ITSN1: variants seen among roughly 807,000 people sequenced by gnomAD.
ITSN1 encodes intersectin-1.
In ITSN1, 58 loss-of-function variants were observed where a neutral mutation model predicts 239.8. That is an observed-to-expected ratio of 0.24 (90% CI 0.20 to 0.30). ITSN1 has a LOEUF of 0.30. Among genes scored for constraint, ITSN1 ranks in the 10% least tolerant of loss-of-function variants. The pLI is 1.00. For synonymous variants in ITSN1, 780 were observed against 770.8 expected (o/e 1.01, Z -0.20); for missense variants, 1,558 against 2,103.3 (o/e 0.74, Z 5.07).
At position 33,860,164 on chromosome 21, in the gene ITSN1, GGGT is replaced by G. The variant is rs1413604722; in HGVS notation, c.3890+1374_3890+1376del. Among the ~76,000 whole-genome samples the G allele has an allele frequency of 1.2e-4, 18 of 151,956 alleles. 1 individual carries two copies. Among genetic ancestry groups the G allele is most frequent in the Non-Finnish European group, 4.4e-5 (3 of 67,950 alleles). ...TGTACCAAAAATACAAAAAGTAGCC[GGGT>G]GTGGTTGTGGGTGCCTGTAATCCCA... On this transcript the variant is annotated intron_variant, in intron 31 of 39. Coordinates refer to ENST00000381318, the MANE Select transcript of ITSN1 (RefSeq NM_003024.3).
chr21:33,764,406 G>A (rs866950255), intron 9 of ITSN1, among the ~76,000 whole-genome samples: 68 of 152,142 alleles, frequency 4.5e-4, no homozygotes, highest in African/African-American at 1.4e-3. Context: ...AAGGAAGAGC[G>A]GGCAGGGGTT....
At chr21:33,808,668 A>G (rs1477037231) in intron 20 of ITSN1, among the ~76,000 whole-genome samples, 39 of 152,202 alleles carry the variant, frequency 2.6e-4, no homozygotes, top group Non-Finnish European at 1.5e-5. Flanking sequence ...CATTATAATA[A>G]GACAGGTATT....
rs76433775 is a variant in ITSN1, at chr21:33,773,473, T to C, written c.1305+1150T>C. Among the ~76,000 whole-genome samples, 1,156 of 152,254 alleles carry C rather than the reference T, an allele frequency of 7.6e-3. 11 individuals carry two copies. The highest frequency in any genetic ancestry group is 0.011 in the Non-Finnish European group (732 of 68,018). On this transcript the variant is annotated intron_variant, in intron 12 of 39. Transcript: ENST00000381318. The stretch of plus-strand genomic sequence containing the variant: ...ACTGCAGAAGCAACACATGGTTCTT[T>C]CATGTGAATGAAAGATAAAAATGAG...
At chr21:33,847,562 G>C (rs967497852) in intron 29 of ITSN1, among the ~76,000 whole-genome samples, 4 of 152,250 alleles carry the variant, frequency 2.6e-5, no homozygotes, top group Non-Finnish European at 5.9e-5. Context: ...GTTGAGCAGA[G>C]AGAGTAGCCT....
rs1363922672 is a variant in ITSN1, at chr21:33,875,518, T to G, written c.4338T>G (p.Ser1446=). The G allele has an allele frequency of 1.2e-6, 2 of 1,613,284 alleles. No homozygotes were observed. Among genetic ancestry groups the G allele is most frequent in the Non-Finnish European group, 1.7e-6 (2 of 1,179,388 alleles). Reference sequence around the variant, plus strand: ...CCCACGTGCAGTGTGAAGGCCTGTCTGAGGTAGCCAACCTTGGGGCTGGGC... The same window carrying G: ...CCCACGTGCAGTGTGAAGGCCTGTCGGAGGTAGCCAACCTTGGGGCTGGGC... ...IQAHVQCEGL[S]EQLVFNSVTN... Residue 1446 remains serine, a synonymous_variant, in exon 34 of 40, where the codon TCT becomes TCG. Transcript: ENST00000381318.
chr21:33,883,891 TGA>T (rs1387487427), intron 36 of ITSN1, among the ~76,000 whole-genome samples: 3 of 139,124 alleles, frequency 2.2e-5, no homozygotes, highest in Non-Finnish European at 3.1e-5. Flanking sequence ...TAATTTTGCT[TGA>T]GTTTTTTTTT....
At chr21:33,761,758 G>C (rs1353225817) in intron 8 of ITSN1, among the ~76,000 whole-genome samples, 165 bp from the exon 9 acceptor site, 1 of 152,074 alleles carries the variant, frequency 6.6e-6, no homozygotes, top group Non-Finnish European at 1.5e-5. Flanking sequence ...TTTCATTGGG[G>C]CTTAATTTCC....
intron 11 of ITSN1, among the ~76,000 whole-genome samples, chr21:33,769,271 A>G (rs1457794886): frequency 2.6e-5 from 4 of 152,350 alleles, no homozygotes; most frequent in African/African-American, 9.6e-5. Context: ...ACAGGAAGCA[A>G]CATTATCAGA....
chr21:33,873,599 G>C (rs893917534), intron 33 of ITSN1, among the ~76,000 whole-genome samples: 4 of 152,236 alleles, frequency 2.6e-5, no homozygotes, highest in Non-Finnish European at 5.9e-5. Context: ...GGCCAGGCGT[G>C]GTGGCTCACG....
At chr21:33,812,238 AC>A (rs2072964666) in intron 21 of ITSN1, among the ~76,000 whole-genome samples, 1 of 152,196 alleles carries the variant, frequency 6.6e-6, no homozygotes, top group Admixed American at 6.5e-5. Context: ...GAGTTTTTAA[AC>A]TAAAGCTTAG....
At chr21:33,673,033 G>A (rs1290832414) in intron 1 of ITSN1, among the ~76,000 whole-genome samples, 1 of 151,988 alleles carries the variant, frequency 6.6e-6, no homozygotes, top group East Asian at 1.9e-4. Flanking sequence ...AGTGTCTGTT[G>A]CCAGACAAAA....
chr21:33,763,945 C>T (rs1356481262), intron 9 of ITSN1, among the ~76,000 whole-genome samples: 1 of 152,208 alleles, frequency 6.6e-6, no homozygotes, highest in Non-Finnish European at 1.5e-5. Flanking sequence ...ATGCAGCTTC[C>T]TTTGCCCTTC....
chr21:33,671,426 A>G (rs887492129), intron 1 of ITSN1, among the ~76,000 whole-genome samples: 5 of 151,880 alleles, frequency 3.3e-5, no homozygotes, highest in African/African-American at 4.8e-5. Flanking sequence ...AGCTGGGATT[A>G]CAGGCGCCGG....
chr21:33,660,026 T>C (rs984712595), intron 1 of ITSN1, among the ~76,000 whole-genome samples: 1 of 152,202 alleles, frequency 6.6e-6, no homozygotes, highest in African/African-American at 2.4e-5. Context: ...TATCTGATGC[T>C]GAAGTCGGTG....
At chr21:33,721,029 G>T (rs2147089644) in intron 2 of ITSN1, 149 bp from the exon 3 acceptor site, 1 of 546,718 alleles carries the variant, frequency 1.8e-6, no homozygotes, top group Admixed American at 3.1e-5. Flanking sequence ...AACTTTATAT[G>T]CATAACTTCC....
intron 18 of ITSN1, among the ~76,000 whole-genome samples, chr21:33,798,923 G>T (rs1002272067): frequency 2.6e-5 from 4 of 152,084 alleles, no homozygotes; most frequent in Non-Finnish European, 5.9e-5. Flanking sequence ...TTGATCTTAG[G>T]AAGTTAGTTT....
At chr21:33,872,081 A>G (rs1457684214) in intron 33 of ITSN1, among the ~76,000 whole-genome samples, 1 of 152,260 alleles carries the variant, frequency 6.6e-6, no homozygotes, top group African/African-American at 2.4e-5. Flanking sequence ...AAAAGAAAAT[A>G]CATAACAAAA....
chr21:33,773,973 C>T (rs890496652), intron 12 of ITSN1, among the ~76,000 whole-genome samples: 1 of 152,186 alleles, frequency 6.6e-6, no homozygotes, highest in African/African-American at 2.4e-5. Context: ...AGCCACTGCG[C>T]CCGGCCCCGT....
intron 33 of ITSN1, among the ~76,000 whole-genome samples, chr21:33,874,378 C>T (rs1424500845): frequency 1.3e-5 from 2 of 152,128 alleles, no homozygotes; most frequent in African/African-American, 2.4e-5. Context: ...ACCCTTGCTG[C>T]AGCCACCGCT....
Sources: gnomAD v4.1 joint callset for allele counts (sites outside exome capture counted in the v4.1 genomes callset) on GRCh38, gnomAD v4.1.1 for gene constraint, MANE v1.5 for transcripts, NCBI Gene and HGNC (gene_info 2026-07-23, HGNC 2026-07-21) for gene names.